The following GRB10 variants were observed in gnomAD, a reference collection of about 807,000 sequenced individuals.
GRB10 encodes the protein growth factor receptor bound protein 10.
Under a neutral mutation model 80.9 loss-of-function variants are expected in GRB10, and 20 were observed. The observed-to-expected ratio is 0.25, with a 90% CI of 0.17 to 0.36. The LOEUF is 0.36. GRB10 is among the 10% of genes least tolerant of loss of function. The probability of loss-of-function intolerance (pLI) is 1.00; values close to 1 mark genes in which losing one functional copy is unlikely to be tolerated. For missense variants in GRB10, 548 were observed against 747.7 expected (o/e 0.73, Z 3.12); for synonymous variants, 291 against 291.5 (o/e 1.00, Z 0.02).
intron 4 of GRB10, among the ~76,000 whole-genome samples, chr7:50,730,488 G>C (rs1176478901): frequency 1.3e-5 from 2 of 152,140 alleles, no homozygotes; most frequent in Admixed American, 6.5e-5. Flanking sequence ...AGAAATTCTG[G>C]AACTGTCATC....
At chr7:50,743,446 G>A (rs990113910) in intron 3 of GRB10, among the ~76,000 whole-genome samples, 3 of 152,188 alleles carry the variant, frequency 2.0e-5, no homozygotes, top group Non-Finnish European at 4.4e-5. Context: ...ATCACGCAGT[G>A]CTGCGAAGCA....
intron 7 of GRB10, among the ~76,000 whole-genome samples, chr7:50,656,336 C>T (rs971844735): frequency 6.6e-6 from 1 of 152,112 alleles, no homozygotes; most frequent in Non-Finnish European, 1.5e-5. Flanking sequence ...AGGGAGGCAG[C>T]GGCAGTGAGC....
intron 7 of GRB10, among the ~76,000 whole-genome samples, chr7:50,658,475 C>T (rs554157458): frequency 2.6e-5 from 4 of 152,266 alleles, no homozygotes; most frequent in South Asian, 2.1e-4. Flanking sequence ...TGATGGCCAC[C>T]GATAACCAAT....
chr7:50,648,612 C>A (rs1235862047), intron 7 of GRB10, among the ~76,000 whole-genome samples: 3 of 152,082 alleles, frequency 2.0e-5, no homozygotes, highest in Non-Finnish European at 4.4e-5. Flanking sequence ...GAGCATAGGT[C>A]CCCCTCCCAT....
At chr7:50,634,557 T>A (rs769607514) in intron 7 of GRB10, among the ~76,000 whole-genome samples, 1 of 152,128 alleles carries the variant, frequency 6.6e-6, no homozygotes, top group Non-Finnish European at 1.5e-5. Context: ...ATGTTGAACA[T>A]AAATGGCCTA....
At chr7:50,703,433 T>C (rs993280602) in intron 5 of GRB10, among the ~76,000 whole-genome samples, 2 of 152,124 alleles carry the variant, frequency 1.3e-5, no homozygotes, top group African/African-American at 4.8e-5. Context: ...AGGAACAGAA[T>C]CACAGAAAGG....
At chr7:50,715,886 G>A (rs1436958946) in intron 4 of GRB10, among the ~76,000 whole-genome samples, 1 of 152,184 alleles carries the variant, frequency 6.6e-6, no homozygotes. Context: ...CCTGAGACAT[G>A]ATCCACATGA....
Position 50,754,679 on chromosome 7 carries a change from G to A in GRB10, c.-47+1208C>T, listed in dbSNP as rs1268241112. ...AACATAAGGCAGACATTTGGGAAAA[G>A]ATAGCCCAGAAACTTCCTACCAAGG... On this transcript the variant is annotated intron_variant, in intron 3 of 18. Coordinates refer to ENST00000401949, the MANE Select transcript of GRB10 (RefSeq NM_001350814.2). Among the ~76,000 whole-genome samples the A allele has an allele frequency of 2.6e-5, 4 of 152,228 alleles. No homozygotes were observed. The East Asian group carries it at 7.7e-4, about 29-fold the overall frequency.
At chr7:50,744,779 C>T (rs971908270) in intron 3 of GRB10, among the ~76,000 whole-genome samples, 1 of 152,168 alleles carries the variant, frequency 6.6e-6, no homozygotes, top group African/African-American at 2.4e-5. Context: ...AAAGCGTATA[C>T]TTGCAACATT....
chr7:50,708,963 A>G (rs2153672667), intron 4 of GRB10, among the ~76,000 whole-genome samples: 1 of 152,276 alleles, frequency 6.6e-6, no homozygotes, highest in African/African-American at 2.4e-5. Context: ...CGTGAGCCAC[A>G]GTACCCAGCT....
chr7:50,666,371 G>A (rs1185667396), intron 7 of GRB10, among the ~76,000 whole-genome samples: 2 of 152,326 alleles, frequency 1.3e-5, no homozygotes, highest in East Asian at 3.9e-4. Context: ...GGAATCGCGT[G>A]CTGTTGAATA....
chr7:50,681,980 T>C (rs1448675380), intron 5 of GRB10, among the ~76,000 whole-genome samples: 2 of 152,172 alleles, frequency 1.3e-5, no homozygotes, highest in Non-Finnish European at 2.9e-5. Context: ...GAATCCTGAG[T>C]GTGTCAGGTG....
chr7:50,762,850 G>C (rs1458530517), intron 2 of GRB10, among the ~76,000 whole-genome samples: 4 of 152,238 alleles, frequency 2.6e-5, no homozygotes, highest in Non-Finnish European at 5.9e-5. Flanking sequence ...GGGCGCAGTG[G>C]CTCACGCCTG....
chr7:50,662,463 G>C (rs1278787597), intron 7 of GRB10, among the ~76,000 whole-genome samples: 4 of 152,176 alleles, frequency 2.6e-5, no homozygotes, highest in Non-Finnish European at 5.9e-5. Context: ...TGCTGCATTT[G>C]GGGGGTGATG....
At chr7:50,759,004 C>T (rs896605094) in intron 2 of GRB10, among the ~76,000 whole-genome samples, 1 of 151,546 alleles carries the variant, frequency 6.6e-6, no homozygotes, top group Non-Finnish European at 1.5e-5. Flanking sequence ...TGGCATATAG[C>T]GTGACCCTGT....
chr7:50,705,334 C>G, intron 4 of GRB10: 1 of 981,772 alleles, frequency 1.0e-6, no homozygotes, highest in Non-Finnish European at 1.2e-6. Context: ...CTGGAGAAAA[C>G]AAAATAAAAC....
chr7:50,613,850 G>A (rs1204087917), intron 12 of GRB10, among the ~76,000 whole-genome samples: 2 of 152,160 alleles, frequency 1.3e-5, no homozygotes, highest in Non-Finnish European at 2.9e-5. Flanking sequence ...TTCCCCTAAG[G>A]AGGGGCTCCC....
intron 7 of GRB10, among the ~76,000 whole-genome samples, chr7:50,649,516 G>A (rs1348368519): frequency 1.3e-5 from 2 of 152,226 alleles, no homozygotes; most frequent in Non-Finnish European, 2.9e-5. Context: ...ACGGGGGAGG[G>A]AATGGAGAAC....
At chr7:50,694,323 C>CA (rs1391486613) in intron 5 of GRB10, among the ~76,000 whole-genome samples, 2 of 152,094 alleles carry the variant, frequency 1.3e-5, no homozygotes, top group African/African-American at 4.8e-5. Context: ...GACTCTGTCT[C>CA]AAAAACAAAC....
Sources: gnomAD v4.1 joint callset for allele counts (sites outside exome capture counted in the v4.1 genomes callset) on GRCh38, gnomAD v4.1.1 for gene constraint, MANE v1.5 for transcripts, NCBI Gene and HGNC (gene_info 2026-07-23, HGNC 2026-07-21) for gene names.